Variants in C5 observed in about 807,000 individuals in gnomAD.
The protein encoded by C5 is C3 and PZP-like alpha-2-macroglobulin domain-containing protein 4.
In C5, 140 loss-of-function variants were observed where a neutral mutation model predicts 218.8. The ratio of observed to expected loss-of-function variants is 0.64; its 90% CI spans 0.56 to 0.74. C5 has a LOEUF of 0.74. Ranked by LOEUF, C5 falls within the 30% of genes least tolerant of loss-of-function variation. The pLI is 0.00. For missense variants in C5, 1,700 were observed against 1,969.6 expected, an observed-to-expected ratio of 0.86 and a Z score of 2.59; for synonymous variants, 614 against 682.3, an observed-to-expected ratio of 0.90 and a Z score of 1.56.
At chr9:121,073,176 CCA>C in the C5 span, among the ~76,000 whole-genome samples, 1 of 152,154 alleles carries the variant, frequency 6.6e-6, no homozygotes, top group Non-Finnish European at 1.5e-5. Flanking sequence ...CTTCTCCACC[CCA>C]GATTTTTGCA....
At chr9:120,988,644 G>T (rs41311893) in intron 25 of C5, among the ~76,000 whole-genome samples, 214 of 152,292 alleles carry the variant, frequency 1.4e-3, no homozygotes, top group African/African-American at 4.9e-3. Flanking sequence ...AAAAAGTTTG[G>T]TTTTTACTCT....
chr9:120,980,636 G>A (rs929668693), intron 27 of C5, among the ~76,000 whole-genome samples: 4 of 152,106 alleles, frequency 2.6e-5, no homozygotes, highest in Non-Finnish European at 4.4e-5. Flanking sequence ...TGTCGCCCAG[G>A]CTGGAGTGCA....
At chr9:120,976,363 A>G (rs761470714) in intron 29 of C5, among the ~76,000 whole-genome samples, 4 of 152,178 alleles carry the variant, frequency 2.6e-5, no homozygotes, top group Non-Finnish European at 4.4e-5. Context: ...GGCAACCACT[A>G]TTTATTACAT....
chr9:121,023,365 G>T, intron 10 of C5, 39 bp downstream of exon 10: 1 of 1,189,820 alleles, frequency 8.4e-7, no homozygotes, highest in Non-Finnish European at 1.3e-6. Flanking sequence ...AGAACAAGAT[G>T]ATCATATGTA....
At chr9:120,972,709 G>A (rs958589425) in intron 30 of C5, among the ~76,000 whole-genome samples, 1 of 152,208 alleles carries the variant, frequency 6.6e-6, no homozygotes, top group Non-Finnish European at 1.5e-5. Context: ...GTACAGGAGA[G>A]ATAATTTTGA....
the C5 span, among the ~76,000 whole-genome samples, chr9:121,061,116 A>T: frequency 6.6e-6 from 1 of 152,176 alleles, no homozygotes; most frequent in African/African-American, 2.4e-5. Flanking sequence ...TGAGCCCAGG[A>T]CATGGAGGTT....
In C5 at chr9:121,043,018, G is replaced by T. The variant is rs776192715; in HGVS notation, c.407C>A (p.Thr136Asn). ...LFIHTDKPVY[T>N]PDQSVKVRVY... ...TTATAATCTACCTGACTGGTCTGGAGTATAAACAGGTTTGTCTGTATGAAT... is the reference window on the plus strand; with the variant it reads ...TTATAATCTACCTGACTGGTCTGGATTATAAACAGGTTTGTCTGTATGAAT... The change falls in exon 3 of 41, where the codon ACT (threonine) becomes AAT (asparagine). Residue 136 changes from threonine to asparagine, a missense_variant. Coordinates refer to ENST00000223642, the MANE Select transcript of C5 (RefSeq NM_001735.3). 39 of 1,612,104 alleles carry T rather than the reference G, an allele frequency of 2.4e-5. No individual in the cohort carries two copies. The South Asian group carries it at 4.0e-4, about 16-fold the overall frequency.
At chr9:121,001,605 A>C (rs1249039056) in intron 20 of C5, among the ~76,000 whole-genome samples, 1 of 152,174 alleles carries the variant, frequency 6.6e-6, no homozygotes, top group African/African-American at 2.4e-5. Context: ...GCAATGTTAC[A>C]TTTTTGAGCT....
the C5 span, among the ~76,000 whole-genome samples, chr9:121,072,824 AAAAAAAAAG>A: frequency 6.6e-6 from 1 of 151,470 alleles, no homozygotes; most frequent in Non-Finnish European, 1.5e-5. Context: ...AAAAAAAAAA[AAAAAAAAAG>A]AAAAGAAAAA....
rs750416999 is a variant in C5, at chr9:121,013,872, C to T, written c.2257+1G>A. On this transcript the variant is annotated splice_donor_variant, in intron 17 of 40. Coordinates refer to ENST00000223642, the MANE Select transcript of C5 (RefSeq NM_001735.3). LOFTEE classifies it high-confidence loss of function. ...ATTCTGATAGAAAATGTCATACTTA[C>T]GTAGCCTTCCCAATTGCATGTCTTT... The T allele has an allele frequency of 1.1e-5, 17 of 1,613,200 alleles. No homozygotes were observed. Among genetic ancestry groups the T allele is most frequent in the East Asian group, 4.5e-5 (2 of 44,884 alleles).
At chr9:120,957,926 C>T (rs561269168) in intron 38 of C5, among the ~76,000 whole-genome samples, 8 of 152,356 alleles carry the variant, frequency 5.3e-5, no homozygotes, top group African/African-American at 1.9e-4. Context: ...GTTTTCCCTT[C>T]ATTCAGATAT....
chr9:121,043,789 C>A (rs956667386), intron 2 of C5, among the ~76,000 whole-genome samples: 2 of 147,116 alleles, frequency 1.4e-5, no homozygotes, highest in African/African-American at 5.0e-5. Context: ...CTCAAGTGAT[C>A]CACCTGCCTC....
intron 3 of C5, among the ~76,000 whole-genome samples, chr9:121,040,238 C>A (rs538790483): frequency 7.2e-5 from 11 of 152,232 alleles, no homozygotes; most frequent in African/African-American, 2.6e-4. Flanking sequence ...CATGTAGAGG[C>A]AACAGCATGT....
chr9:121,021,861 G>C (rs974456459), intron 10 of C5, among the ~76,000 whole-genome samples, 167 bp from the exon 11 acceptor site: 2 of 152,020 alleles, frequency 1.3e-5, no homozygotes, highest in Admixed American at 6.6e-5. Context: ...CCAGGTTGGA[G>C]TGCAGTGGCT....
chr9:121,073,847 A>G, the C5 span, among the ~76,000 whole-genome samples: 1 of 152,164 alleles, frequency 6.6e-6, no homozygotes, highest in Non-Finnish European at 1.5e-5. Context: ...GGAAAACTGT[A>G]GGAAGTGTTA....
chr9:120,987,542 C>T (rs1483363054), intron 25 of C5, among the ~76,000 whole-genome samples: 7 of 150,180 alleles, frequency 4.7e-5, no homozygotes, highest in South Asian at 2.1e-4. Context: ...GGAGGCTGAG[C>T]CAGGAGAATC....
chr9:121,056,131 G>C, the C5 span, among the ~76,000 whole-genome samples: 2 of 152,194 alleles, frequency 1.3e-5, no homozygotes, highest in East Asian at 3.9e-4. Flanking sequence ...CCTTCTCAAG[G>C]ACAGGGACAA....
chr9:121,056,640 T>G, the C5 span, among the ~76,000 whole-genome samples: 1 of 151,938 alleles, frequency 6.6e-6, no homozygotes, highest in Admixed American at 6.6e-5. Flanking sequence ...ATAAAGAATT[T>G]GTGAAGACAG....
upstream of C5, among the ~76,000 whole-genome samples, chr9:121,055,211 T>C (rs2047692339): frequency 1.3e-5 from 2 of 152,170 alleles, no homozygotes; most frequent in African/African-American, 4.8e-5. Context: ...ATAACCTACC[T>C]GCTTCAGGCA....
Sources: gnomAD v4.1 joint callset for allele counts (sites outside exome capture counted in the v4.1 genomes callset) on GRCh38, gnomAD v4.1.1 for gene constraint, MANE v1.5 for transcripts, NCBI Gene and HGNC (gene_info 2026-07-23, HGNC 2026-07-21) for gene names.